The following BHLHE23 variants were observed in gnomAD, a reference collection of about 807,000 sequenced individuals.
BHLHE23 encodes class E basic helix-loop-helix protein 23.
For synonymous variants in BHLHE23, 204 were observed against 184.4 expected, an observed-to-expected ratio of 1.11 and a Z score of -0.86; for missense variants, 401 against 380.0, an observed-to-expected ratio of 1.06 and a Z score of -0.46.
Position 63,006,421 on chromosome 20 carries a change from C to T in BHLHE23, c.354G>A (p.Arg118=). Residue 118 remains arginine, a synonymous_variant, in exon 1 of 1, where the codon CGG becomes CGA. Transcript: ENST00000612929. ...GCCGCTCGCGCGCGTTGATGCTGAG[C>T]CGCAGAGACCGCTGCTCTCGCGGCC... ...RRRPREQRSL[R]LSINARERRR... 1.9e-6 allele frequency: 3 copies of T among 1,539,066 alleles called. No homozygotes were observed. The highest frequency in any genetic ancestry group is 2.6e-6 in the Non-Finnish European group (3 of 1,153,514).
In BHLHE23 at chr20:63,006,439, T is replaced by TCGCGGCCGCCGCCG. The variant is rs1555867289; in HGVS notation, c.322_335dup (p.Glu113GlyfsTer25). Reference sequence around the variant, plus strand: ...TGCTGAGCCGCAGAGACCGCTGCTCTCGCGGCCGCCGCCGCCCGTCCGCCG... The same window carrying TCGCGGCCGCCGCCG: ...TGCTGAGCCGCAGAGACCGCTGCTCTCGCGGCCGCCGCCGCGCGGCCGCCGCCGCCCGTCCGCCG... On this transcript the variant is annotated frameshift_variant, in exon 1 of 1. Transcript: ENST00000612929. LOFTEE classifies it low-confidence loss of function (END_TRUNC). The TCGCGGCCGCCGCCG allele has an allele frequency of 9.5e-6, 14 of 1,473,046 alleles. No homozygotes were observed. The highest frequency in any genetic ancestry group is 2.9e-5 in the East Asian group (1 of 34,082). 91.2% of individuals were successfully genotyped at this position (1,473,046 alleles called of 1,614,324 possible).
rs2065792881 is a variant in BHLHE23 at position 63,006,627 on chromosome 20, G to A, written c.148C>T (p.Pro50Ser). 2.2e-6 allele frequency: 3 copies of A among 1,350,878 alleles called. No homozygotes were observed. Among genetic ancestry groups the A allele is most frequent in the East Asian group, 3.2e-5 (1 of 31,600 alleles). 83.7% of individuals were successfully genotyped at this position (1,350,878 alleles called of 1,614,324 possible). ...AGLAYGAARE[P>S]EAARGYGTPG... ...GTGCCGTAGCCGCGGGCCGCTTCGG[G>A]TTCTCGCGCCGCCCCGTAGGCGAGA... The change falls in exon 1 of 1, where the codon CCC (proline) becomes TCC (serine). Residue 50 changes from proline to serine, a missense_variant. Physicochemically the swap from Pro to Ser is moderately conservative, Grantham distance 74 (BLOSUM62 -1). Coordinates refer to ENST00000612929, the MANE Select transcript of BHLHE23 (RefSeq NM_080606.4).
chr20:63,006,754 G>A lies in BHLHE23; in HGVS notation c.21C>T (p.Gly7=). 7.8e-7 allele frequency: 1 copy of A among 1,280,658 alleles called. No homozygotes were observed. Among genetic ancestry groups the A allele is most frequent in the Non-Finnish European group, 9.8e-7 (1 of 1,016,098 alleles). 79.3% of individuals were successfully genotyped at this position (1,280,658 alleles called of 1,614,324 possible). ...CCGCGCCGCCTGGGCTCGGGGGCTC[G>A]CCGGGTGGGCGGATGCTCATGTGGG... is the stretch of plus-strand genomic sequence containing the variant. MSIRPP[G]EPPSPGGAAM... Residue 7 remains glycine, a synonymous_variant, in exon 1 of 1, where the codon GGC becomes GGT. Coordinates refer to ENST00000612929, the MANE Select transcript of BHLHE23 (RefSeq NM_080606.4).
Position 63,006,591 on chromosome 20 carries a change from C to T in BHLHE23, c.184G>A (p.Gly62Ser). The T allele has an allele frequency of 7.6e-7, 1 of 1,311,920 alleles. No homozygotes were observed. The highest frequency in any genetic ancestry group is 9.7e-7 in the Non-Finnish European group (1 of 1,033,098). 81.3% of individuals were successfully genotyped at this position (1,311,920 alleles called of 1,614,324 possible). A position where few individuals can be genotyped will look rare whatever the true frequency, so the allele number is the denominator to read the frequency against. ...GCAGGCGCCGCGGGGAGGTCGCCGC[C>T]CGGGCCCGGAGTGCCGTAGCCGCGG... ...AARGYGTPGP[G>S]GDLPAAPAPR... Residue 62 changes from glycine to serine, a missense_variant, in exon 1 of 1, where the codon GGC (glycine) becomes AGC (serine). Transcript: ENST00000612929.
In BHLHE23 at chr20:63,006,395, C is replaced by T. The variant is rs745680400; in HGVS notation, c.380G>A (p.Arg127Gln). 6.9e-6 allele frequency: 11 copies of T among 1,590,564 alleles called. No individual in the cohort carries two copies. Among genetic ancestry groups the T allele is most frequent in the Non-Finnish European group, 9.4e-6 (11 of 1,174,584 alleles). ...CGCGTCGTTTAGGTCGTGCATGCGC[C>T]GCCGCTCGCGCGCGTTGATGCTGAG... ...LRLSINARER[R>Q]RMHDLNDALD... The change falls in exon 1 of 1, where the codon CGG becomes CAG. Residue 127 changes from arginine to glutamine, a missense_variant. Physicochemically the swap from Arg to Gln is conservative, Grantham distance 43. Transcript: ENST00000612929.
Position 63,006,932 on chromosome 20 carries a change from C to T in BHLHE23, c.-158G>A, listed in dbSNP as rs537673385. 1,762 of 1,179,956 alleles carry T rather than the reference C, an allele frequency of 1.5e-3. 16 individuals are homozygous for T. The African/African-American group carries it at 0.024, about 16-fold the overall frequency. 73.1% of individuals were successfully genotyped at this position (1,179,956 alleles called of 1,614,324 possible). Reference sequence around the variant, plus strand: ...TCTTCCTTCTCTCCCACCTCCTCTCCCTCCCAGCCGCGACGCGCAGGGGGC... The same window carrying T: ...TCTTCCTTCTCTCCCACCTCCTCTCTCTCCCAGCCGCGACGCGCAGGGGGC... On this transcript the variant is annotated 5_prime_UTR_variant, in exon 1 of 1. Transcript: ENST00000612929.
Position 63,006,063 on chromosome 20 carries a change from GAC to G in BHLHE23, c.710_711del (p.Cys237SerfsTer22), listed in dbSNP as rs2065789311. 6.5e-7 allele frequency: 1 copy of G among 1,534,328 alleles called. No individual in the cohort carries two copies. On this transcript the variant is annotated frameshift_variant, in exon 1 of 1. Transcript: ENST00000612929. LOFTEE classifies it high-confidence loss of function. ...SGTPSALCKH[C>X]HEKP ...GGCCCGCGCGGTCACGGCTTCTCGT[GAC>G]AGTGTTTGCAAAGCGCGGAGGGCGT...
chr20:63,006,555 G>C lies in BHLHE23; in HGVS notation c.220C>G (p.Pro74Ala), dbSNP rs1478409433. Residue 74 changes from proline (P) to alanine (A), a missense_variant, in exon 1 of 1, where the codon CCA becomes GCA. Pro to Ala is a conservative substitution (Grantham distance 27). Transcript: ENST00000612929. Reference sequence around the variant, plus strand: ...CCGCTGCTCTCCGCCGCCTGAGCTGGGGCGCGAGGTGCAGGCGCCGCGGGG... The same window carrying C: ...CCGCTGCTCTCCGCCGCCTGAGCTGCGGCGCGAGGTGCAGGCGCCGCGGGG... ...DLPAAPAPRA[P>A]AQAAESSGEQ... 18 of 1,288,670 alleles carry C rather than the reference G, an allele frequency of 1.4e-5. No individual in the cohort carries two copies. The Middle Eastern group carries it at 8.9e-4, about 64-fold the overall frequency. The allele number at this position is 1,288,670 out of a possible 1,614,324, so 79.8% of individuals were successfully genotyped here.
In BHLHE23 at chr20:63,006,092, C is replaced by G. The variant is rs756156773; in HGVS notation, c.683G>C (p.Gly228Ala). 6.5e-7 allele frequency: 1 copy of G among 1,545,168 alleles called. No individual in the cohort carries two copies. The highest frequency in any genetic ancestry group is 1.2e-5 in the South Asian group (1 of 83,864). ...GTGTTTGCAAAGCGCGGAGGGCGTC[C>G]CGGAGAAGGCGGCGCACTTGTCAGG... ...PCPDKCAAFS[G>A]TPSALCKHCH... Residue 228 changes from glycine to alanine, a missense_variant, in exon 1 of 1, where the codon GGG becomes GCG. Transcript: ENST00000612929.
At position 63,006,346 on chromosome 20, in the gene BHLHE23, GA is replaced by G; in HGVS notation, c.428del (p.Ile143ThrfsTer52). On this transcript the variant is annotated frameshift_variant, in exon 1 of 1. Coordinates refer to ENST00000612929, the MANE Select transcript of BHLHE23 (RefSeq NM_080606.4). LOFTEE classifies it low-confidence loss of function (END_TRUNC). ...NDALDGLRAV[I>X]PYAHSPSVRK... ...GCACCGACGGGCTGTGCGCGTAGGG[GA>G]TGACGGCTCGCAGCCCGTCCAGCGC... 6.2e-7 allele frequency: 1 copy of G among 1,610,370 alleles called. No individual in the cohort carries two copies. Among genetic ancestry groups the G allele is most frequent in the East Asian group, 2.2e-5 (1 of 44,854 alleles).
Position 63,006,202 on chromosome 20 carries a change from G to A in BHLHE23, c.573C>T (p.Ala191=), listed in dbSNP as rs1032576359. ...VAFLNQGQGL[A]APVNAAPLTP... The stretch of plus-strand genomic sequence containing the variant: ...TCAAGGGCGCGGCGTTTACGGGCGC[G>A]GCCAGGCCCTGGCCCTGGTTGAGGA... The change falls in exon 1 of 1, where the codon GCC becomes GCT. Residue 191 remains alanine, a synonymous_variant. Transcript: ENST00000612929. 5.0e-6 allele frequency: 8 copies of A among 1,592,996 alleles called. No homozygotes were observed. Among genetic ancestry groups the A allele is most frequent in the Non-Finnish European group, 6.8e-6 (8 of 1,171,988 alleles).
chr20:63,006,484 C>T lies in BHLHE23; in HGVS notation c.291G>A (p.Arg97=), dbSNP rs1258202637. The change falls in exon 1 of 1, where the codon CGG becomes CGA. Residue 97 remains arginine (R), a synonymous_variant. Transcript: ENST00000612929. ...CCGCCGCGCTCCCTGGCCCGCGCCGCCGCCGCCGCTGCTCGAAGGCGTCGT... is the reference window on the plus strand; with the variant it reads ...CCGCCGCGCTCCCTGGCCCGCGCCGTCGCCGCCGCTGCTCGAAGGCGTCGT... ...DEDDAFEQRR[R]RRGPGSAADG... 6.0e-6 allele frequency: 8 copies of T among 1,330,290 alleles called. 1 individual carries two copies. Among genetic ancestry groups the T allele is most frequent in the Non-Finnish European group, 7.6e-6 (8 of 1,051,060 alleles). 82.4% of individuals were successfully genotyped at this position (1,330,290 alleles called of 1,614,324 possible). A position where few individuals can be genotyped will look rare whatever the true frequency, so the allele number is the denominator to read the frequency against.
chr20:63,006,727 G>T lies in BHLHE23; in HGVS notation c.48C>A (p.Ala16=). Residue 16 remains alanine (A), a synonymous_variant, in exon 1 of 1, where the codon GCC becomes GCA. Transcript: ENST00000612929. ...PGEPPSPGGA[A]MAELKSLSGD... ...CCGACAGCGACTTGAGCTCGGCCATGGCCGCGCCGCCTGGGCTCGGGGGCT... is the reference window on the plus strand; with the variant it reads ...CCGACAGCGACTTGAGCTCGGCCATTGCCGCGCCGCCTGGGCTCGGGGGCT... The T allele has an allele frequency of 1.5e-6, 2 of 1,323,062 alleles. No individual in the cohort carries two copies. Among genetic ancestry groups the T allele is most frequent in the Non-Finnish European group, 9.6e-7 (1 of 1,038,764 alleles). 82.0% of individuals were successfully genotyped at this position (1,323,062 alleles called of 1,614,324 possible).
Position 63,006,507 on chromosome 20 carries a change from C to G in BHLHE23, c.268G>C (p.Asp90His), listed in dbSNP as rs1472189537. 6.8e-6 allele frequency: 9 copies of G among 1,327,196 alleles called. No homozygotes were observed. The highest frequency in any genetic ancestry group is 6.7e-6 in the Non-Finnish European group (7 of 1,049,670). 82.2% of individuals were successfully genotyped at this position (1,327,196 alleles called of 1,614,324 possible). The change falls in exon 1 of 1, where the codon GAC (aspartate) becomes CAC (histidine). Residue 90 changes from aspartate to histidine, a missense_variant. By Grantham distance (81) the Asp-to-His change is moderately conservative. Coordinates refer to ENST00000612929, the MANE Select transcript of BHLHE23 (RefSeq NM_080606.4). ...SSGEQSGDED[D>H]AFEQRRRRRG... is the part of the protein sequence containing the mutation. ...CGCCGCCGCCGCTGCTCGAAGGCGT[C>G]GTCCTCGTCCCCGCTCTGTTCGCCG...
At position 63,006,431 on chromosome 20, in the gene BHLHE23, C is replaced by G; in HGVS notation, c.344G>C (p.Arg115Pro). 6.7e-7 allele frequency: 1 copy of G among 1,493,840 alleles called. No homozygotes were observed. Among genetic ancestry groups the G allele is most frequent in the African/African-American group, 1.5e-5 (1 of 68,586 alleles). 92.5% of individuals were successfully genotyped at this position (1,493,840 alleles called of 1,614,324 possible). A position where few individuals can be genotyped will look rare whatever the true frequency, so the allele number is the denominator to read the frequency against. Reference sequence around the variant, plus strand: ...CGCGTTGATGCTGAGCCGCAGAGACCGCTGCTCTCGCGGCCGCCGCCGCCC... The same window carrying G: ...CGCGTTGATGCTGAGCCGCAGAGACGGCTGCTCTCGCGGCCGCCGCCGCCC... Reference protein sequence around the residue: ...ADGRRRPREQRSLRLSINARE... With the variant: ...ADGRRRPREQPSLRLSINARE... Residue 115 changes from arginine to proline, a missense_variant, in exon 1 of 1, where the codon CGG becomes CCG. By Grantham distance (103) the Arg-to-Pro change is moderately radical. Transcript: ENST00000612929.
rs777237444 is a variant in BHLHE23 at position 63,006,382 on chromosome 20, G to T, written c.393C>A (p.Asp131Glu). ...INARERRRMH[D>E]LNDALDGLRA... ...GCAGCCCGTCCAGCGCGTCGTTTAGGTCGTGCATGCGCCGCCGCTCGCGCG... is the reference window on the plus strand; with the variant it reads ...GCAGCCCGTCCAGCGCGTCGTTTAGTTCGTGCATGCGCCGCCGCTCGCGCG... The change falls in exon 1 of 1, where the codon GAC (aspartate) becomes GAA (glutamate). Residue 131 changes from aspartate (D) to glutamate (E), a missense_variant. Coordinates refer to ENST00000612929, the MANE Select transcript of BHLHE23 (RefSeq NM_080606.4). The T allele has an allele frequency of 1.2e-6, 2 of 1,603,136 alleles. No individual in the cohort carries two copies.
chr20:63,006,340 G>A lies in BHLHE23; in HGVS notation c.435C>T (p.Tyr145=), dbSNP rs772061465. 10 of 1,610,732 alleles carry A rather than the reference G, an allele frequency of 6.2e-6. No homozygotes were observed. Among genetic ancestry groups the A allele is most frequent in the African/African-American group, 1.3e-5 (1 of 74,960 alleles). ...GCTTGCGCACCGACGGGCTGTGCGC[G>A]TAGGGGATGACGGCTCGCAGCCCGT... ...ALDGLRAVIP[Y]AHSPSVRKLS... Residue 145 remains tyrosine (Y), a synonymous_variant, in exon 1 of 1, where the codon TAC becomes TAT. Coordinates refer to ENST00000612929, the MANE Select transcript of BHLHE23 (RefSeq NM_080606.4).
Position 63,006,583 on chromosome 20 carries a change from G to T in BHLHE23, c.192C>A (p.Asp64Glu). The change falls in exon 1 of 1, where the codon GAC becomes GAA. Residue 64 changes from aspartate to glutamate, a missense_variant. Transcript: ENST00000612929. The stretch of plus-strand genomic sequence containing the variant: ...CGCGAGGTGCAGGCGCCGCGGGGAG[G>T]TCGCCGCCCGGGCCCGGAGTGCCGT... ...RGYGTPGPGG[D>E]LPAAPAPRAP... 7.7e-7 allele frequency: 1 copy of T among 1,303,716 alleles called. No individual in the cohort carries two copies. Among genetic ancestry groups the T allele is most frequent in the Non-Finnish European group, 9.7e-7 (1 of 1,028,964 alleles). The allele number at this position is 1,303,716 out of a possible 1,614,324, so 80.8% of individuals were successfully genotyped here.
At position 63,006,692 on chromosome 20, in the gene BHLHE23, T is replaced by C; in HGVS notation, c.83A>G (p.Tyr28Cys). The C allele has an allele frequency of 7.3e-7, 1 of 1,367,144 alleles. No individual in the cohort carries two copies. Among genetic ancestry groups the C allele is most frequent in the Non-Finnish European group, 9.4e-7 (1 of 1,060,720 alleles). 84.7% of individuals were successfully genotyped at this position (1,367,144 alleles called of 1,614,324 possible). The part of the protein sequence containing the change: ...AELKSLSGDA[Y>C]LALSHGYAAA... ...CGCGTAGCCGTGGCTTAGTGCCAGGTACGCGTCCCCCGACAGCGACTTGAG... is the reference window on the plus strand; with the variant it reads ...CGCGTAGCCGTGGCTTAGTGCCAGGCACGCGTCCCCCGACAGCGACTTGAG... Residue 28 changes from tyrosine (Y) to cysteine (C), a missense_variant, in exon 1 of 1, where the codon TAC (tyrosine) becomes TGC (cysteine). Transcript: ENST00000612929.
Sources: gnomAD v4.1 joint callset for allele counts on GRCh38, gnomAD v4.1.1 for gene constraint, MANE v1.5 for transcripts, NCBI Gene and HGNC (gene_info 2026-07-23, HGNC 2026-07-21) for gene names.